SYT16: variants seen among roughly 807,000 people sequenced by gnomAD.
SYT16 encodes synaptotagmin-16.
In SYT16, 42 loss-of-function variants were observed where a neutral mutation model predicts 61.4. The ratio of observed to expected loss-of-function variants is 0.68; its 90% CI spans 0.53 to 0.89. The LOEUF is 0.89. Among genes scored for constraint, SYT16 ranks in the 40% least tolerant of loss-of-function variants. The pLI is 0.00. For missense variants in SYT16, 804 were observed against 807.3 expected, an observed-to-expected ratio of 1.00 and a Z score of 0.05; for synonymous variants, 314 against 302.3, an observed-to-expected ratio of 1.04 and a Z score of -0.40.
At chr14:61,999,430 T>C (rs2052903578) in intron 3 of SYT16, among the ~76,000 whole-genome samples, 1 of 151,806 alleles carries the variant, frequency 6.6e-6, no homozygotes, top group Non-Finnish European at 1.5e-5. Flanking sequence ...TTTTAAATGT[T>C]GTTAGGATTT....
At chr14:61,837,481 C>T (rs577220115) in intron 1 of SYT16, among the ~76,000 whole-genome samples, 2 of 152,094 alleles carry the variant, frequency 1.3e-5, no homozygotes, top group Non-Finnish European at 2.9e-5. Context: ...TCAAGTGATC[C>T]TCCCACCTCA....
intron 3 of SYT16, among the ~76,000 whole-genome samples, chr14:62,045,091 T>A (rs1020503700): frequency 6.6e-6 from 1 of 152,118 alleles, no homozygotes; most frequent in South Asian, 2.1e-4. Flanking sequence ...TGAGCCAAGA[T>A]TGCGCCATTA....
intron 7 of SYT16, among the ~76,000 whole-genome samples, chr14:62,089,397 A>G (rs79427067): frequency 0.048 from 7,359 of 151,930 alleles, 456 homozygotes; most frequent in African/African-American, 0.15. Flanking sequence ...CACATCCATC[A>G]CAAGGGAAAG....
intron 2 of SYT16, among the ~76,000 whole-genome samples, chr14:61,987,854 C>A (rs1450524685): frequency 6.6e-6 from 1 of 151,294 alleles, no homozygotes; most frequent in Non-Finnish European, 1.5e-5. Flanking sequence ...ATTTTAAAAT[C>A]TATCTCAAGA....
At chr14:62,038,699 C>G (rs1248532879) in intron 3 of SYT16, among the ~76,000 whole-genome samples, 1 of 152,102 alleles carries the variant, frequency 6.6e-6, no homozygotes, top group Non-Finnish European at 1.5e-5. Flanking sequence ...GGCATTTGTA[C>G]TTTGTGTTGA....
chr14:62,085,866 G>T (rs1420389700), intron 7 of SYT16, among the ~76,000 whole-genome samples: 2 of 152,168 alleles, frequency 1.3e-5, no homozygotes, highest in African/African-American at 4.8e-5. Context: ...TTGTTTTCCA[G>T]AATAGCTCTG....
intron 2 of SYT16, among the ~76,000 whole-genome samples, chr14:61,978,395 A>G (rs1457527739): frequency 6.6e-6 from 1 of 152,236 alleles, no homozygotes; most frequent in Non-Finnish European, 1.5e-5. Flanking sequence ...AGAAAGATGT[A>G]ACAAAAGCTT....
At chr14:61,909,934 C>T (rs2048863763) in intron 1 of SYT16, among the ~76,000 whole-genome samples, 1 of 152,106 alleles carries the variant, frequency 6.6e-6, no homozygotes, top group Non-Finnish European at 1.5e-5. Flanking sequence ...CATAGTCATG[C>T]CCCATGCCAA....
chr14:61,839,670 T>C (rs1376371760), intron 1 of SYT16, among the ~76,000 whole-genome samples: 5 of 152,188 alleles, frequency 3.3e-5, no homozygotes, highest in African/African-American at 1.2e-4. Context: ...AATGAGTAAA[T>C]GTGAACTGGG....
intron 3 of SYT16, among the ~76,000 whole-genome samples, chr14:62,013,076 C>T (rs183219408): frequency 1.8e-4 from 28 of 152,274 alleles, no homozygotes; most frequent in African/African-American, 5.5e-4. Flanking sequence ...TAGTTAACTA[C>T]GTTGTAACCT....
rs2141024614 is a variant in SYT16, at chr14:62,101,353, A to G, written c.*646A>G. On this transcript the variant is annotated 3_prime_UTR_variant, in exon 8 of 8. Transcript: ENST00000683842. ...GATTTGGTTAGATGAATCATTTTGA[A>G]GCAAGAAAAGAGTTCAGAAACTACT... 6.6e-6 allele frequency: 1 copy of G among 152,282 alleles called. No homozygotes were observed. Among genetic ancestry groups the G allele is most frequent in the East Asian group, 1.9e-4 (1 of 5,188 alleles). 9.4% of individuals were successfully genotyped at this position (152,282 alleles called of 1,614,324 possible). A position where few individuals can be genotyped will look rare whatever the true frequency, so the allele number is the denominator to read the frequency against.
intron 1 of SYT16, among the ~76,000 whole-genome samples, chr14:61,854,433 C>T (rs974194056): frequency 1.3e-5 from 2 of 152,208 alleles, no homozygotes; most frequent in Non-Finnish European, 2.9e-5. Flanking sequence ...CACACACACG[C>T]GCGCACGCGC....
At chr14:61,915,680 T>A (rs1412885206) in intron 1 of SYT16, among the ~76,000 whole-genome samples, 4 of 152,156 alleles carry the variant, frequency 2.6e-5, no homozygotes, top group African/African-American at 9.7e-5. Flanking sequence ...CTAAAGGAAA[T>A]AGATATCTAT....
chr14:62,016,140 G>A (rs1274906436), intron 3 of SYT16, among the ~76,000 whole-genome samples: 1 of 152,094 alleles, frequency 6.6e-6, no homozygotes, highest in Non-Finnish European at 1.5e-5. Context: ...GCATGCTCCA[G>A]GAACAAAAGA....
At chr14:61,985,196 A>G (rs2052250901) in intron 2 of SYT16, among the ~76,000 whole-genome samples, 1 of 152,202 alleles carries the variant, frequency 6.6e-6, no homozygotes, top group Admixed American at 6.6e-5. Flanking sequence ...ATGTGTAGCA[A>G]TAGTCACTTC....
intron 3 of SYT16, among the ~76,000 whole-genome samples, chr14:62,027,924 T>A (rs1014162205): frequency 6.6e-6 from 1 of 152,220 alleles, no homozygotes; most frequent in African/African-American, 2.4e-5. Context: ...ATTGCAGACT[T>A]CTTCACTGCT....
intron 3 of SYT16, among the ~76,000 whole-genome samples, chr14:62,048,387 C>T (rs1311506443): frequency 2.0e-5 from 3 of 151,966 alleles, no homozygotes; most frequent in Non-Finnish European, 2.9e-5. Flanking sequence ...ATTAGTCTTG[C>T]TAGCTGTCTA....
intron 3 of SYT16, among the ~76,000 whole-genome samples, chr14:62,050,269 G>T (rs2055211248): frequency 6.6e-6 from 1 of 152,250 alleles, no homozygotes; most frequent in African/African-American, 2.4e-5. Flanking sequence ...GGCATCAGCT[G>T]CTGAGGCTTG....
At chr14:61,974,581 G>A (rs892608285) in intron 2 of SYT16, among the ~76,000 whole-genome samples, 3 of 152,176 alleles carry the variant, frequency 2.0e-5, no homozygotes, top group African/African-American at 7.2e-5. Flanking sequence ...CAGGAACAGT[G>A]CATCATGTTA....
Sources: allele counts gnomAD v4.1 joint callset (sites outside exome capture counted in the v4.1 genomes callset), GRCh38; gene constraint gnomAD v4.1.1; transcripts MANE v1.5; gene names NCBI Gene and HGNC (gene_info 2026-07-23, HGNC 2026-07-21).